Variants in CTTNBP2 observed in about 807,000 individuals in gnomAD.
The protein encoded by CTTNBP2 is cortactin binding protein 2.
A neutral mutation model predicts 156.9 loss-of-function variants in CTTNBP2; 108 were observed. The observed-to-expected ratio is 0.69, with a 90% CI of 0.59 to 0.81. The LOEUF is 0.81. Among genes scored for constraint, CTTNBP2 ranks in the 30% least tolerant of loss-of-function variants. CTTNBP2 has a pLI of 0.00. For missense variants in CTTNBP2, 1,924 were observed against 2,035.4 expected (o/e 0.95, Z 1.05); for synonymous variants, 767 against 751.8 (o/e 1.02, Z -0.33).
chr7:117,776,649 C>T (rs1405793242), intron 8 of CTTNBP2, among the ~76,000 whole-genome samples: 1 of 152,192 alleles, frequency 6.6e-6, no homozygotes, highest in African/African-American at 2.4e-5. Context: ...AAAATAATTT[C>T]CACCTCCTCC....
chr7:117,743,410 C>G (rs1196935016), intron 14 of CTTNBP2, among the ~76,000 whole-genome samples: 1 of 152,138 alleles, frequency 6.6e-6, no homozygotes, highest in Admixed American at 6.5e-5. Flanking sequence ...GGCTTAGGAG[C>G]TGGACTGCTG....
At chr7:117,750,282 T>C (rs190475221) in intron 12 of CTTNBP2, among the ~76,000 whole-genome samples, 13 of 152,320 alleles carry the variant, frequency 8.5e-5, no homozygotes, top group Non-Finnish European at 1.2e-4. Flanking sequence ...AAGCTGTCTT[T>C]AGTTGCAACA....
chr7:117,766,987 G>A, intron 9 of CTTNBP2, 72 bp downstream of exon 9: 1 of 869,292 alleles, frequency 1.2e-6, no homozygotes, highest in Middle Eastern at 2.2e-4. Flanking sequence ...GATGTAAATA[G>A]TTTTTCCCAT....
chr7:117,718,170 T>TGC, intron 21 of CTTNBP2, 51 bp from the exon 22 acceptor site: 1 of 1,091,086 alleles, frequency 9.2e-7, no homozygotes, highest in Non-Finnish European at 1.4e-6. Context: ...ACACTGTGCA[T>TGC]ACTCAAGGCA....
At chr7:117,765,738 GCT>G (rs1256489670) in intron 9 of CTTNBP2, among the ~76,000 whole-genome samples, 1 of 152,088 alleles carries the variant, frequency 6.6e-6, no homozygotes, top group East Asian at 1.9e-4. Context: ...ACTTTTTGAT[GCT>G]TGATCTGTTT....
chr7:117,784,433 G>C lies in CTTNBP2; in HGVS notation c.2090C>G (p.Pro697Arg). Residue 697 changes from proline to arginine, a missense_variant, in exon 5 of 23, where the codon CCT becomes CGT. Coordinates refer to ENST00000160373, the MANE Select transcript of CTTNBP2 (RefSeq NM_033427.3). ...TASGWSPSLT[P>R]LLMSGGPAPL... ...GGCAGGACCACCACTCATTAGCAAA[G>C]GGGTTAGGGAGGGTGACCAGCCTGT... is the stretch of plus-strand genomic sequence containing the variant. 6.2e-7 allele frequency: 1 copy of C among 1,601,648 alleles called. No homozygotes were observed. Among genetic ancestry groups the C allele is most frequent in the Non-Finnish European group, 8.5e-7 (1 of 1,176,128 alleles).
intron 12 of CTTNBP2, 83 bp from the exon 13 acceptor site, chr7:117,746,182 T>C: frequency 2.3e-6 from 2 of 883,052 alleles, no homozygotes; most frequent in Non-Finnish European, 3.7e-6. Context: ...TGGAATTCTT[T>C]TTTGATTGTC....
intron 2 of CTTNBP2, among the ~76,000 whole-genome samples, chr7:117,830,860 C>A (rs1001788793): frequency 6.6e-6 from 1 of 152,096 alleles, no homozygotes; most frequent in Non-Finnish European, 1.5e-5. Flanking sequence ...AAGGTCATAA[C>A]AAGGATTTAT....
chr7:117,782,030 T>C (rs1186813998), intron 6 of CTTNBP2, among the ~76,000 whole-genome samples: 7 of 152,120 alleles, frequency 4.6e-5, no homozygotes, highest in African/African-American at 1.7e-4. Flanking sequence ...CATAAATAAT[T>C]CATTTTGAAT....
chr7:117,729,980 G>C (rs996696649), intron 16 of CTTNBP2, among the ~76,000 whole-genome samples: 1 of 152,094 alleles, frequency 6.6e-6, no homozygotes, highest in African/African-American at 2.4e-5. Context: ...GCTGATGTTT[G>C]CAAATAACAA....
intron 16 of CTTNBP2, among the ~76,000 whole-genome samples, chr7:117,729,506 G>A (rs573368140): frequency 6.6e-6 from 1 of 152,154 alleles, no homozygotes; most frequent in East Asian, 1.9e-4. Flanking sequence ...ATGCCTATTT[G>A]TTATTGCTGC....
intron 2 of CTTNBP2, among the ~76,000 whole-genome samples, chr7:117,828,290 A>G (rs887490582): frequency 2.0e-5 from 3 of 152,164 alleles, no homozygotes; most frequent in African/African-American, 7.2e-5. Context: ...TAGAAAGCAA[A>G]GAGTCCTTTC....
At chr7:117,836,340 G>A (rs1290887067) in intron 2 of CTTNBP2, among the ~76,000 whole-genome samples, 2 of 152,122 alleles carry the variant, frequency 1.3e-5, no homozygotes, top group Non-Finnish European at 2.9e-5. Flanking sequence ...TGAGGTGGGC[G>A]GATCATGAGG....
intron 1 of CTTNBP2, among the ~76,000 whole-genome samples, chr7:117,867,414 C>T (rs548954205): frequency 2.6e-5 from 4 of 152,086 alleles, no homozygotes; most frequent in African/African-American, 7.2e-5. Context: ...TAATCATGTC[C>T]GGCCTTGTGC....
chr7:117,722,351 C>T (rs567040197), intron 19 of CTTNBP2, among the ~76,000 whole-genome samples: 110 of 150,044 alleles, frequency 7.3e-4, no homozygotes, highest in African/African-American at 2.4e-3. Flanking sequence ...ATAAAAATAA[C>T]GAGAGGCATG....
rs1241752306 is a variant in CTTNBP2 at position 117,791,618 on chromosome 7, C to G, written c.1578G>C (p.Arg526=). 8 of 1,613,998 alleles carry G rather than the reference C, an allele frequency of 5.0e-6. No homozygotes were observed. The highest frequency in any genetic ancestry group is 5.9e-6 in the Non-Finnish European group (7 of 1,180,026). The change falls in exon 4 of 23, where the codon CGG becomes CGC. Residue 526 remains arginine (R), a synonymous_variant. Transcript: ENST00000160373. ...GDVGTHPPVG[R]TSLKTHGVAR... ...CTACACCATGAGTCTTTAAACTGGT[C>G]CGACCAACTGGAGGGTGGGTGCCAA...
In CTTNBP2 at chr7:117,760,605, C is replaced by T. The variant is rs374664598; in HGVS notation, c.3002G>A (p.Arg1001His). ...AAAATCATCCCATGATGTCTGTTTG[C>T]GGATATTTAAAGCACATATTGTGTT... Reference protein sequence around the residue: ...CENTICALNIRKQTSWDDFSK... With the variant: ...CENTICALNIHKQTSWDDFSK... The change falls in exon 10 of 23, where the codon CGC becomes CAC. Residue 1001 changes from arginine to histidine, a missense_variant. By Grantham distance (29) the Arg-to-His change is conservative (BLOSUM62 0). Coordinates refer to ENST00000160373, the MANE Select transcript of CTTNBP2 (RefSeq NM_033427.3). The T allele has an allele frequency of 1.5e-5, 24 of 1,613,864 alleles. No individual in the cohort carries two copies. Among genetic ancestry groups the T allele is most frequent in the Middle Eastern group, 1.6e-4 (1 of 6,082 alleles).
At chr7:117,773,182 T>A (rs558671872) in intron 8 of CTTNBP2, among the ~76,000 whole-genome samples, 1 of 152,184 alleles carries the variant, frequency 6.6e-6, no homozygotes, top group Non-Finnish European at 1.5e-5. Flanking sequence ...CCCAACTCCA[T>A]GCGACAACGA....
At chr7:117,717,744 GAAA>G (rs139772053) in intron 22 of CTTNBP2, among the ~76,000 whole-genome samples, 5 of 127,776 alleles carry the variant, frequency 3.9e-5, no homozygotes, top group Non-Finnish European at 8.7e-5. Context: ...CATATAAAAT[GAAA>G]AAAAAAAAAA....
Sources: allele counts gnomAD v4.1 joint callset (sites outside exome capture counted in the v4.1 genomes callset), GRCh38; gene constraint gnomAD v4.1.1; transcripts MANE v1.5; gene names NCBI Gene and HGNC (gene_info 2026-07-23, HGNC 2026-07-21).